The following ALG12 variants were observed in gnomAD, a reference collection of about 807,000 sequenced individuals.
ALG12 encodes the protein dol-P-Man:Man(7)GlcNAc(2)-PP-Dol alpha-1,6-mannosyltransferase.
A neutral mutation model predicts 46.0 loss-of-function variants in ALG12; 36 were observed. The observed-to-expected ratio is 0.78, with a 90% CI of 0.60 to 1.03. ALG12 has a LOEUF of 1.03. Ranked by LOEUF, ALG12 falls within the 50% of genes least tolerant of loss-of-function variation. The pLI is 0.00. For missense variants in ALG12, 599 were observed against 633.5 expected, an observed-to-expected ratio of 0.95 and a Z score of 0.58; for synonymous variants, 326 against 291.6, an observed-to-expected ratio of 1.12 and a Z score of -1.20.
At chr22:49,911,276 C>T (rs544407349) in intron 3 of ALG12, among the ~76,000 whole-genome samples, 1 of 152,234 alleles carries the variant, frequency 6.6e-6, no homozygotes, top group African/African-American at 2.4e-5. Context: ...TGAGAAGCAA[C>T]TGGGTCCAGG....
the ALG12 span, among the ~76,000 whole-genome samples, chr22:49,875,037 C>T: frequency 3.9e-5 from 6 of 152,028 alleles, no homozygotes; most frequent in Non-Finnish European, 5.9e-5. Flanking sequence ...TGAATCATGA[C>T]GTATTATCTT....
the ALG12 span, among the ~76,000 whole-genome samples, chr22:49,881,907 C>T: frequency 6.6e-6 from 1 of 152,132 alleles, no homozygotes; most frequent in Non-Finnish European, 1.5e-5. Context: ...TCAGAAAGAA[C>T]CTGCATTTAT....
chr22:49,904,379 C>T lies in ALG12; in HGVS notation c.1120G>A (p.Val374Ile), dbSNP rs761515996. ...YVSHFNYPGG[V>I]AMQRLHQLVP... ...AGCTGGTGCAGCCTCTGCATTGCGA[C>T]GCCACCTGGGTAGTTGAAATGGGAC... The change falls in exon 8 of 10, where the codon GTC becomes ATC. Residue 374 changes from valine to isoleucine, a missense_variant. Transcript: ENST00000330817. 7.4e-6 allele frequency: 12 copies of T among 1,614,090 alleles called. No homozygotes were observed. In the Middle Eastern group the frequency reaches 4.9e-4, roughly 66 times the overall value.
the ALG12 span, among the ~76,000 whole-genome samples, chr22:49,890,279 C>G: frequency 2.0e-5 from 3 of 152,200 alleles, no homozygotes; most frequent in East Asian, 3.9e-4. Flanking sequence ...TGCACTCTAG[C>G]CTGGACAACA....
intron 6 of ALG12, among the ~76,000 whole-genome samples, chr22:49,908,325 C>T (rs916497847): frequency 1.6e-5 from 2 of 128,764 alleles, no homozygotes; most frequent in Non-Finnish European, 3.7e-5. Flanking sequence ...GTAAAGAGAT[C>T]GAGACCATCC....
chr22:49,896,254 C>T (rs1306384958), downstream of ALG12, among the ~76,000 whole-genome samples: 1 of 152,254 alleles, frequency 6.6e-6, no homozygotes, highest in African/African-American at 2.4e-5. Flanking sequence ...TCCTCATGCT[C>T]AGGAACGTCT....
chr22:49,896,275 C>G (rs2060483264), downstream of ALG12, among the ~76,000 whole-genome samples: 3 of 152,254 alleles, frequency 2.0e-5, no homozygotes, highest in African/African-American at 7.2e-5. Context: ...GTGGCTAAAT[C>G]TCTCCCCGTG....
the ALG12 span, among the ~76,000 whole-genome samples, chr22:49,881,866 T>C: frequency 6.6e-6 from 1 of 152,182 alleles, no homozygotes. Context: ...TTTATCTGGC[T>C]GTACTTTGTA....
At chr22:49,866,046 C>T in the ALG12 span, among the ~76,000 whole-genome samples, 144 of 152,150 alleles carry the variant, frequency 9.5e-4, no homozygotes, top group Non-Finnish European at 1.7e-3. Flanking sequence ...CTATGTTATT[C>T]TATGGTCTTC....
intron 1 of ALG12, among the ~76,000 whole-genome samples, chr22:49,917,231 C>T (rs1259743410): frequency 6.6e-6 from 1 of 152,244 alleles, no homozygotes; most frequent in African/African-American, 2.4e-5. Flanking sequence ...GTGACGGGTG[C>T]TTCGAGAGCA....
downstream of ALG12, among the ~76,000 whole-genome samples, chr22:49,897,372 G>A (rs577345518): frequency 6.6e-6 from 1 of 152,294 alleles, no homozygotes; most frequent in Admixed American, 6.5e-5. Flanking sequence ...CACAGGGTAA[G>A]AGTATGCTTA....
chr22:49,877,999 T>C, the ALG12 span, among the ~76,000 whole-genome samples: 2 of 152,276 alleles, frequency 1.3e-5, no homozygotes, highest in South Asian at 4.1e-4. Context: ...TGCTGTGAAT[T>C]TTATATGTAA....
At chr22:49,860,171 T>C in the ALG12 span, among the ~76,000 whole-genome samples, 12 of 151,820 alleles carry the variant, frequency 7.9e-5, no homozygotes, top group South Asian at 2.1e-4. Flanking sequence ...TGATGGTATG[T>C]GCCTGGAGTT....
In ALG12 at chr22:49,907,930, C is replaced by T; in HGVS notation, c.783G>A (p.Leu261=). ...GGGGCAGGGCTGAGTAGAAGTACCA[C>T]AGCAGCGGGGAGGTCTGCGGGCTGG... ...KSSNWGTSPL[L]WYFYSALPRG... The change falls in exon 7 of 10, where the codon CTG becomes CTA. Residue 261 remains leucine (L), a synonymous_variant. Transcript: ENST00000330817. 6.2e-7 allele frequency: 1 copy of T among 1,612,918 alleles called. No homozygotes were observed. Among genetic ancestry groups the T allele is most frequent in the Non-Finnish European group, 8.5e-7 (1 of 1,179,928 alleles).
At chr22:49,896,772 A>C (rs1255442163), downstream of ALG12, among the ~76,000 whole-genome samples, 1 of 151,972 alleles carries the variant, frequency 6.6e-6, no homozygotes, top group East Asian at 1.9e-4. Context: ...AGTAGCTGGG[A>C]TTACAGGTGC....
intron 3 of ALG12, among the ~76,000 whole-genome samples, chr22:49,911,811 A>T (rs1335183988): frequency 6.6e-6 from 1 of 152,090 alleles, no homozygotes; most frequent in African/African-American, 2.4e-5. Context: ...TGGTGCTGGA[A>T]TTTCCCCCGG....
the ALG12 span, among the ~76,000 whole-genome samples, chr22:49,892,249 T>C: frequency 6.6e-6 from 1 of 151,390 alleles, no homozygotes; most frequent in South Asian, 2.1e-4. Flanking sequence ...CAGCCAGGAT[T>C]TGAAGAAACA....
chr22:49,895,606 C>T (rs1049615555), downstream of ALG12, among the ~76,000 whole-genome samples: 6 of 150,690 alleles, frequency 4.0e-5, no homozygotes, highest in East Asian at 1.9e-4. Flanking sequence ...GAGCTGAGGT[C>T]GCACCATTGC....
chr22:49,883,912 G>A, the ALG12 span: 1 of 1,609,292 alleles, frequency 6.2e-7, no homozygotes, highest in Admixed American at 1.7e-5. Context: ...GGATGACTAT[G>A]GCGCGCTGTT....
Sources: allele counts gnomAD v4.1 joint callset (sites outside exome capture counted in the v4.1 genomes callset), GRCh38; gene constraint gnomAD v4.1.1; transcripts MANE v1.5; gene names NCBI Gene and HGNC (gene_info 2026-07-23, HGNC 2026-07-21).